Variants in NDUFA10 observed in about 807,000 individuals in gnomAD.
NDUFA10 encodes the protein NADH dehydrogenase [ubiquinone] 1 alpha subcomplex subunit 10, mitochondrial.
In NDUFA10, 40 loss-of-function variants were observed where a neutral mutation model predicts 47.8. That is an observed-to-expected ratio of 0.84 (90% CI 0.65 to 1.09). The LOEUF (loss-of-function observed/expected upper bound fraction) is 1.09. Ranked by LOEUF, NDUFA10 falls within the 50% of genes least tolerant of loss-of-function variation. The pLI, the probability that NDUFA10 is intolerant of heterozygous loss-of-function variation, is 0.00. For missense variants in NDUFA10, 413 were observed against 451.1 expected (o/e 0.92, Z 0.76); for synonymous variants, 183 against 172.2 (o/e 1.06, Z -0.49).
chr2:239,914,300 TACTC>T (rs1181586626), intron 4 of NDUFA10, among the ~76,000 whole-genome samples: 4 of 129,106 alleles, frequency 3.1e-5, no homozygotes, highest in African/African-American at 6.1e-5. Flanking sequence ...CACACAGAGA[TACTC>T]AAACACACAC....
At chr2:239,907,424 G>T (rs1000866033) in intron 4 of NDUFA10, among the ~76,000 whole-genome samples, 6 of 152,144 alleles carry the variant, frequency 3.9e-5, no homozygotes, top group African/African-American at 1.4e-4. Context: ...AAGAGCTTCT[G>T]TACAGCAAAA....
At chr2:239,984,346 T>C (rs1299575402) in intron 9 of NDUFA10, among the ~76,000 whole-genome samples, 1 of 152,192 alleles carries the variant, frequency 6.6e-6, no homozygotes, top group African/African-American at 2.4e-5. Context: ...ATGTGAGATA[T>C]GAGAGCTCAC....
intron 4 of NDUFA10, among the ~76,000 whole-genome samples, chr2:239,909,366 A>G (rs1220970143): frequency 6.6e-6 from 1 of 152,194 alleles, no homozygotes; most frequent in Non-Finnish European, 1.5e-5. Context: ...TAATCTCAGC[A>G]CTTTGGGAGG....
In NDUFA10 at chr2:240,005,192, C is replaced by T; in HGVS notation, c.890+18G>A. ...GTAGACCCCAGACATGCAGCAGCCCCCACACAGATGCACTTACAGTAATCG... is the reference window on the plus strand; with the variant it reads ...GTAGACCCCAGACATGCAGCAGCCCTCACACAGATGCACTTACAGTAATCG... On this transcript the variant is annotated intron_variant, in intron 8 of 9. Coordinates refer to ENST00000252711, the MANE Select transcript of NDUFA10 (RefSeq NM_004544.4). 2 of 1,604,492 alleles carry T rather than the reference C, an allele frequency of 1.2e-6. No individual in the cohort carries two copies. Among genetic ancestry groups the T allele is most frequent in the Non-Finnish European group, 1.7e-6 (2 of 1,171,312 alleles).
At chr2:239,997,227 G>T (rs991980514) in intron 8 of NDUFA10, among the ~76,000 whole-genome samples, 5 of 151,816 alleles carry the variant, frequency 3.3e-5, no homozygotes, top group African/African-American at 1.2e-4. Flanking sequence ...GAAGCCTAAA[G>T]AAAGCAGAGA....
At chr2:239,982,053 T>C in intron 9 of NDUFA10, 2 of 1,606,152 alleles carry the variant, frequency 1.2e-6, no homozygotes, top group Non-Finnish European at 1.7e-6. Flanking sequence ...TCACACGTTC[T>C]GTGGAATGTC....
intron 9 of NDUFA10, among the ~76,000 whole-genome samples, chr2:239,963,534 C>T (rs756077857): frequency 1.3e-5 from 2 of 152,186 alleles, no homozygotes; most frequent in Non-Finnish European, 2.9e-5. Context: ...TGGGGCTGGC[C>T]TCAAAGGGCC....
At chr2:239,951,822 C>G (rs1694558290) in intron 4 of NDUFA10, among the ~76,000 whole-genome samples, 1 of 152,264 alleles carries the variant, frequency 6.6e-6, no homozygotes, top group African/African-American at 2.4e-5. Flanking sequence ...AGGCCTGGTC[C>G]CAACGGCACA....
chr2:240,018,368 T>C, intron 4 of NDUFA10, 185 bp downstream of exon 4: 1 of 1,517,366 alleles, frequency 6.6e-7, no homozygotes, highest in Non-Finnish European at 8.9e-7. Flanking sequence ...GACACCTATT[T>C]CAGGAGGGAG....
intron 4 of NDUFA10, among the ~76,000 whole-genome samples, chr2:239,907,172 T>C (rs1359076990): frequency 6.6e-6 from 1 of 152,194 alleles, no homozygotes; most frequent in Non-Finnish European, 1.5e-5. Flanking sequence ...GATTCCCTAT[T>C]TAATAAATGG....
At chr2:239,907,683 A>G (rs1693679482) in intron 4 of NDUFA10, among the ~76,000 whole-genome samples, 1 of 152,118 alleles carries the variant, frequency 6.6e-6, no homozygotes, top group Non-Finnish European at 1.5e-5. Flanking sequence ...AATGCAAATC[A>G]AAACCACAAT....
At chr2:239,952,781 C>A (rs1694578493), downstream of NDUFA10, among the ~76,000 whole-genome samples, 1 of 152,212 alleles carries the variant, frequency 6.6e-6, no homozygotes. Context: ...GTGCAGCCAG[C>A]CCACGGCAGA....
intron 3 of NDUFA10, among the ~76,000 whole-genome samples, chr2:240,020,879 T>C (rs558263603): frequency 6.6e-6 from 1 of 152,378 alleles, no homozygotes; most frequent in Admixed American, 6.5e-5. Context: ...TCCTGGACAC[T>C]TCTGTGCTCT....
In NDUFA10 at chr2:239,978,184, T is replaced by G. The variant is rs557455371; in HGVS notation, c.999+11890A>C. Among the ~76,000 whole-genome samples, 4 of 152,270 alleles carry G rather than the reference T, an allele frequency of 2.6e-5. No individual in the cohort carries two copies. The Middle Eastern group carries it at 0.014, about 518-fold the overall frequency. ...ATTCCTCTCTTGCATCTTTTCCCTC[T>G]TTCCACAAGCACTTACCCTTTTGCC... On this transcript the variant is annotated intron_variant, in intron 9 of 9. Transcript: ENST00000252711.
chr2:239,962,266 C>T (rs1045357778), intron 9 of NDUFA10, among the ~76,000 whole-genome samples: 1 of 151,802 alleles, frequency 6.6e-6, no homozygotes, highest in African/African-American at 2.4e-5. Flanking sequence ...CCCTTAAGAA[C>T]AGGTACTAAA....
chr2:239,997,234 G>C (rs1344623508), intron 8 of NDUFA10, among the ~76,000 whole-genome samples: 1 of 151,668 alleles, frequency 6.6e-6, no homozygotes, highest in Non-Finnish European at 1.5e-5. Context: ...AAAGAAAGCA[G>C]AGAAAAAATA....
chr2:239,998,782 G>A (rs931312342), intron 8 of NDUFA10, among the ~76,000 whole-genome samples: 2 of 152,232 alleles, frequency 1.3e-5, no homozygotes, highest in Non-Finnish European at 2.9e-5. Context: ...TTCACTGCTT[G>A]AGAAAGTTGC....
intron 5 of NDUFA10, among the ~76,000 whole-genome samples, chr2:239,894,827 A>C: frequency 6.6e-6 from 1 of 152,044 alleles, no homozygotes; most frequent in East Asian, 1.9e-4. Flanking sequence ...GAAATATATG[A>C]GCCACCAACT....
chr2:239,911,670 A>AGTGT (rs146389087), intron 4 of NDUFA10, among the ~76,000 whole-genome samples: 12,644 of 146,538 alleles, frequency 0.086, 778 homozygotes, highest in East Asian at 0.26. Context: ...AACATGAGAG[A>AGTGT]GTGTGTGTGC....
Sources: allele counts gnomAD v4.1 joint callset (sites outside exome capture counted in the v4.1 genomes callset), GRCh38; gene constraint gnomAD v4.1.1; transcripts MANE v1.5; gene names NCBI Gene and HGNC (gene_info 2026-07-23, HGNC 2026-07-21).